Variants in PAX8 observed in about 807,000 individuals in gnomAD.
The protein encoded by PAX8 is paired box 8, also known as paired box protein Pax-8.
In PAX8, 15 loss-of-function variants were observed where a neutral mutation model predicts 52.4. The observed-to-expected ratio is 0.29, with a 90% CI of 0.19 to 0.44. The LOEUF is 0.44. Among genes scored for constraint, PAX8 ranks in the 20% least tolerant of loss-of-function variants. PAX8 has a pLI of 1.00. For synonymous variants in PAX8, 284 were observed against 249.7 expected, an observed-to-expected ratio of 1.14 and a Z score of -1.29; for missense variants, 554 against 602.5, an observed-to-expected ratio of 0.92 and a Z score of 0.84.
intron 2 of PAX8, among the ~76,000 whole-genome samples, chr2:113,263,667 A>C (rs1250214968): frequency 1.3e-5 from 2 of 152,206 alleles, no homozygotes; most frequent in Non-Finnish European, 2.9e-5. Flanking sequence ...GCTTCTACCC[A>C]TAGCCAGATG....
intron 7 of PAX8, chr2:113,240,861 C>CT (rs1339495850): frequency 1.2e-5 from 2 of 160,434 alleles, no homozygotes; most frequent in African/African-American, 4.8e-5. Context: ...GTCCGCGTGT[C>CT]TTTGTACCTG....
intron 2 of PAX8, among the ~76,000 whole-genome samples, chr2:113,277,232 G>T (rs1009053524): frequency 3.3e-5 from 5 of 152,186 alleles, no homozygotes; most frequent in African/African-American, 2.4e-5. Context: ...TGCAGCTCTA[G>T]AGAGAACCCG....
intron 4 of PAX8, among the ~76,000 whole-genome samples, 181 bp from the exon 5 acceptor site, chr2:113,242,959 A>G (rs1690988673): frequency 6.6e-6 from 1 of 152,142 alleles, no homozygotes; most frequent in South Asian, 2.1e-4. Context: ...AGTTGTCCGC[A>G]TTTCATGATT....
intron 9 of PAX8, 102 bp downstream of exon 9, chr2:113,235,292 G>T (rs1373906725): frequency 2.1e-6 from 2 of 960,862 alleles, no homozygotes; most frequent in South Asian, 1.7e-5. Flanking sequence ...CAGGGTGGGG[G>T]TGGATGAGAC....
At chr2:113,263,816 C>G (rs1238239791) in intron 2 of PAX8, among the ~76,000 whole-genome samples, 2 of 152,018 alleles carry the variant, frequency 1.3e-5, no homozygotes, top group South Asian at 2.1e-4. Context: ...TAAAAAAATC[C>G]CTGGGAGCTT....
intron 3 of PAX8, among the ~76,000 whole-genome samples, chr2:113,245,313 T>TG (rs1313690773): frequency 6.6e-6 from 1 of 152,186 alleles, no homozygotes; most frequent in African/African-American, 2.4e-5. Flanking sequence ...CCCAAAGTGC[T>TG]GGGATTACAG....
At chr2:113,273,359 CG>C (rs966064811) in intron 2 of PAX8, 44 of 152,192 alleles carry the variant, frequency 2.9e-4, no homozygotes, top group African/African-American at 1.0e-3. Flanking sequence ...AGTCTTCTTG[CG>C]GCCCGGTTTG....
rs2104408066 is a variant in PAX8 at position 113,217,469 on chromosome 2, C to T, written c.*1064G>A. The T allele has an allele frequency of 4.4e-6, 1 of 229,608 alleles. No individual in the cohort carries two copies. Among genetic ancestry groups the T allele is most frequent in the African/African-American group, 2.2e-5 (1 of 45,164 alleles). The allele number at this position is 229,608 out of a possible 1,614,324, so 14.2% of individuals were successfully genotyped here. Reference sequence around the variant, plus strand: ...ACAGGGCAAAGAGAGACATTTCACTCAGAGGCCAAAGTCTGGGGGTTAGAA... The same window carrying T: ...ACAGGGCAAAGAGAGACATTTCACTTAGAGGCCAAAGTCTGGGGGTTAGAA... On this transcript the variant is annotated 3_prime_UTR_variant, in exon 12 of 12. Coordinates refer to ENST00000429538, the MANE Select transcript of PAX8 (RefSeq NM_003466.4).
chr2:113,258,741 C>CT (rs1558742473), intron 2 of PAX8, among the ~76,000 whole-genome samples: 1 of 152,180 alleles, frequency 6.6e-6, no homozygotes, highest in African/African-American at 2.4e-5. Flanking sequence ...ATGATTTTCT[C>CT]TTTGTCTTCC....
At chr2:113,269,941 A>G (rs1294731536) in intron 2 of PAX8, 3 of 152,180 alleles carry the variant, frequency 2.0e-5, no homozygotes, top group Non-Finnish European at 4.4e-5. Context: ...CAGCCATTCT[A>G]TCAAAAGCTT....
intron 11 of PAX8, among the ~76,000 whole-genome samples, chr2:113,219,063 G>C (rs1482331358): frequency 6.6e-6 from 1 of 152,194 alleles, no homozygotes; most frequent in East Asian, 1.9e-4. Flanking sequence ...CTTAAGGTGA[G>C]GCTCTGCACA....
chr2:113,274,755 T>TA (rs1309353534), intron 2 of PAX8: 2 of 152,226 alleles, frequency 1.3e-5, no homozygotes, highest in African/African-American at 4.8e-5. Flanking sequence ...AATTGGCTCT[T>TA]ACAAAAATGA....
At chr2:113,239,925 C>T (rs1282319643) in intron 7 of PAX8, 1 of 152,178 alleles carries the variant, frequency 6.6e-6, no homozygotes, top group Non-Finnish European at 1.5e-5. Context: ...ATGGAGGTCC[C>T]TGAAAGCTCA....
Position 113,246,837 on chromosome 2 carries a change from G to T in PAX8, c.108C>A (p.Asp36Glu), listed in dbSNP as rs1156243827. 5 of 1,614,052 alleles carry T rather than the reference G, an allele frequency of 3.1e-6. No individual in the cohort carries two copies. Among genetic ancestry groups the T allele is most frequent in the South Asian group, 1.1e-5 (1 of 91,092 alleles). Residue 36 changes from aspartate (D) to glutamate (E), a missense_variant, in exon 3 of 12, where the codon GAC becomes GAA. By Grantham distance (45) the Asp-to-Glu change is conservative. Around this residue, in one of 2 missense-constraint regions of PAX8, gnomAD observed 109 missense variants for 192.7 expected, o/e 0.57. Coordinates refer to ENST00000429538, the MANE Select transcript of PAX8 (RefSeq NM_003466.4). ...LPEVVRQRIV[D>E]LAHQGVRPCD... ...AGGGCCTTACACCCTGGTGGGCCAG[G>T]TCTACGATGCGCTGGCGGACCACTT...
At chr2:113,228,286 G>A (rs1396221674) in intron 9 of PAX8, among the ~76,000 whole-genome samples, 1 of 152,118 alleles carries the variant, frequency 6.6e-6, no homozygotes, top group Non-Finnish European at 1.5e-5. Flanking sequence ...AATACACCCT[G>A]GTTTGCCAAG....
At chr2:113,264,523 T>C (rs1156970419) in intron 2 of PAX8, among the ~76,000 whole-genome samples, 1 of 152,220 alleles carries the variant, frequency 6.6e-6, no homozygotes, top group Admixed American at 6.5e-5. Context: ...AAAAATGTTA[T>C]TGGAGAATTA....
chr2:113,225,999 G>A, intron 10 of PAX8: 1 of 985,674 alleles, frequency 1.0e-6, no homozygotes, highest in Non-Finnish European at 1.2e-6. Flanking sequence ...TCAGTATTCT[G>A]TATTTTCAAC....
intron 10 of PAX8, chr2:113,226,732 G>A (rs1439999095): frequency 1.6e-5 from 18 of 1,131,534 alleles, no homozygotes; most frequent in Non-Finnish European, 1.9e-5. Context: ...CGGGTAAACT[G>A]GGATTCATCA....
chr2:113,278,425 G>T lies in PAX8; in HGVS notation c.-31C>A, dbSNP rs777231926. 8.7e-6 allele frequency: 14 copies of T among 1,610,236 alleles called. No individual in the cohort carries two copies. In the African/African-American group the frequency reaches 1.3e-4, roughly 15 times the overall value. ...GGGAGTCGCTCGCAGCCCGCCGAGG[G>T]CTCGGGGCTTCCTCCCGTAGGTCCG... On this transcript the variant is annotated 5_prime_UTR_variant, in exon 2 of 12. Transcript: ENST00000429538.
Sources: gnomAD v4.1 joint callset for allele counts (sites outside exome capture counted in the v4.1 genomes callset) on GRCh38, gnomAD v4.1.1 for gene constraint, gnomAD v4.1.1 regional missense constraint, MANE v1.5 for transcripts, NCBI Gene and HGNC (gene_info 2026-07-23, HGNC 2026-07-21) for gene names.